Variants in TMPRSS6 observed in about 807,000 individuals in gnomAD.
The protein encoded by TMPRSS6 is transmembrane serine protease 6.
TMPRSS6 carries 67 observed loss-of-function variants against 101.5 expected under a neutral mutation model. That is an observed-to-expected ratio of 0.66 (90% confidence interval 0.54 to 0.81). The LOEUF is 0.81. TMPRSS6 is among the 30% of genes least tolerant of loss of function. The pLI is 0.00. For synonymous variants in TMPRSS6, 453 were observed against 464.9 expected (o/e 0.97, Z 0.33); for missense variants, 1,034 against 1,088.7 (o/e 0.95, Z 0.71).
rs1317173249 is a variant in TMPRSS6 at position 37,101,028 on chromosome 22, G to T, written c.202+2188C>A. Among the ~76,000 whole-genome samples, 1 of 152,156 alleles carries T rather than the reference G, an allele frequency of 6.6e-6. No homozygotes were observed. Among genetic ancestry groups the T allele is most frequent in the Non-Finnish European group, 1.5e-5 (1 of 68,030 alleles). On this transcript the variant is annotated intron_variant, in intron 2 of 17. Transcript: ENST00000676104. The surrounding 1 kb of genome is among the most constrained non-coding windows in gnomAD (Gnocchi z 4.1). ...CTTGACAATGGCCATTGGAGTTGGGGGGCAGAGGGAGCCAGGTTGGAAAGG... is the reference window on the plus strand; with the variant it reads ...CTTGACAATGGCCATTGGAGTTGGGTGGCAGAGGGAGCCAGGTTGGAAAGG...
chr22:37,103,730 C>A lies in TMPRSS6; in HGVS notation c.-1-312G>T. The A allele has an allele frequency of 4.0e-6, 3 of 745,568 alleles. No individual in the cohort carries two copies. Among genetic ancestry groups the A allele is most frequent in the Non-Finnish European group, 6.9e-6 (3 of 434,234 alleles). The allele number at this position is 745,568 out of a possible 1,614,324, so 46.2% of individuals were successfully genotyped here. A position where few individuals can be genotyped will look rare whatever the true frequency, so the allele number is the denominator to read the frequency against. The stretch of plus-strand genomic sequence containing the variant: ...GGTCTCAGTACCTAAACACCCACCT[C>A]CCTAGAGGCTGCACCCACAGACAGA... On this transcript the variant is annotated intron_variant, in intron 1 of 17. Transcript: ENST00000676104. This position sits in a 1 kb window ranked among gnomAD's most constrained non-coding sequence, Gnocchi z 4.4.
chr22:37,096,963 C>T (rs771116549), intron 3 of TMPRSS6, among the ~76,000 whole-genome samples: 1 of 152,186 alleles, frequency 6.6e-6, no homozygotes, highest in Non-Finnish European at 1.5e-5. Context: ...CTGCTGATGA[C>T]CCCTCTGCCC....
intron 10 of TMPRSS6, chr22:37,083,894 A>G (rs1403109185): frequency 8.6e-6 from 4 of 463,052 alleles, no homozygotes; most frequent in Middle Eastern, 5.5e-4. Context: ...GGCACCTCTG[A>G]TGGTACGCCT....
At position 37,105,986 on chromosome 22, in the gene TMPRSS6, T is replaced by C. The variant is rs1169230389; in HGVS notation, c.-1-2568A>G. Among the ~76,000 whole-genome samples the C allele has an allele frequency of 2.0e-5, 3 of 152,250 alleles. No individual in the cohort carries two copies. The East Asian group carries it at 5.8e-4, about 29-fold the overall frequency. ...TTGAGTCTGGATCACAAAGGAGCTA[T>C]TTTGGGATGAGTCATAGAGCCATGG... is the stretch of plus-strand genomic sequence containing the variant. On this transcript the variant is annotated intron_variant, in intron 1 of 17. Transcript: ENST00000676104.
intron 1 of TMPRSS6, among the ~76,000 whole-genome samples, chr22:37,107,108 G>T (rs1439091479): frequency 6.6e-6 from 1 of 152,206 alleles, no homozygotes; most frequent in African/African-American, 2.4e-5. Flanking sequence ...AAGTCTCTAG[G>T]CCCCTGGTAC....
chr22:37,110,484 C>T (rs1930989867), upstream of TMPRSS6, among the ~76,000 whole-genome samples: 2 of 152,208 alleles, frequency 1.3e-5, no homozygotes, highest in South Asian at 2.1e-4. Flanking sequence ...CTGTCCATGA[C>T]GGTAGCCGCT....
At position 37,084,148 on chromosome 22, in the gene TMPRSS6, T is replaced by G. The variant is rs1460094634; in HGVS notation, c.1196+147A>C. The G allele has an allele frequency of 6.7e-6, 5 of 745,484 alleles. No individual in the cohort carries two copies. The Admixed American group carries it at 1.0e-4, about 16-fold the overall frequency. The allele number at this position is 745,484 out of a possible 1,614,324, so 46.2% of individuals were successfully genotyped here. A position where few individuals can be genotyped will look rare whatever the true frequency, so the allele number is the denominator to read the frequency against. On this transcript the variant is annotated intron_variant, in intron 10 of 17. Coordinates refer to ENST00000676104, the MANE Select transcript of TMPRSS6 (RefSeq NM_001374504.1). Reference sequence around the variant, plus strand: ...AGGACAAGGTCAAGGGCAACAGGCCTGACACCAGCCCCAGCCTCTGCTCGC... The same window carrying G: ...AGGACAAGGTCAAGGGCAACAGGCCGGACACCAGCCCCAGCCTCTGCTCGC...
chr22:37,098,654 T>C, intron 2 of TMPRSS6, 105 bp from the exon 3 acceptor site: 1 of 1,500,608 alleles, frequency 6.7e-7, no homozygotes, highest in Admixed American at 1.7e-5. Context: ...TCAGCCTCAG[T>C]GTCTTGGGTC....
At chr22:37,095,495 T>C in intron 6 of TMPRSS6, 56 bp downstream of exon 6, 1 of 1,601,112 alleles carries the variant, frequency 6.2e-7, no homozygotes, top group Non-Finnish European at 8.5e-7. Context: ...CACAACAAAG[T>C]CAAGACAAAT....
At chr22:37,087,519 C>T (rs1477111510) in intron 7 of TMPRSS6, among the ~76,000 whole-genome samples, 7 of 152,116 alleles carry the variant, frequency 4.6e-5, no homozygotes, top group Admixed American at 1.3e-4. Context: ...GCCCAGGGTC[C>T]GGGGATGGGG....
rs1325870289 is a variant in TMPRSS6, at chr22:37,068,437, T to C, written c.2113+636A>G. 1.3e-5 allele frequency among the ~76,000 whole-genome samples: 2 copies of C among 152,232 alleles called. 1 individual carries two copies. The highest frequency in any genetic ancestry group is 4.8e-5 in the African/African-American group (2 of 41,460). The stretch of plus-strand genomic sequence containing the variant: ...AACGCTGCAGGGCATGTCTGTAGGT[T>C]TGCCAGCTGGGTCTGTGTCCCCAAA... On this transcript the variant is annotated intron_variant, in intron 16 of 17. Coordinates refer to ENST00000676104, the MANE Select transcript of TMPRSS6 (RefSeq NM_001374504.1).
At chr22:37,072,101 T>C (rs1926989699) in intron 13 of TMPRSS6, among the ~76,000 whole-genome samples, 1 of 142,162 alleles carries the variant, frequency 7.0e-6, no homozygotes, top group African/African-American at 2.8e-5. Context: ...GATGGACAGA[T>C]GATGGATGGA....
rs1406201881 is a variant in TMPRSS6, at chr22:37,103,501, A to G, written c.-1-83T>C. On this transcript the variant is annotated intron_variant, in intron 1 of 17. Coordinates refer to ENST00000676104, the MANE Select transcript of TMPRSS6 (RefSeq NM_001374504.1). This position sits in a 1 kb window ranked among gnomAD's most constrained non-coding sequence, Gnocchi z 4.4. Reference sequence around the variant, plus strand: ...CTGAGCACCGGTGGGGCACGGAAGCAGGACTTCCCTGCCTTTTGGAGTGGA... The same window carrying G: ...CTGAGCACCGGTGGGGCACGGAAGCGGGACTTCCCTGCCTTTTGGAGTGGA... The G allele has an allele frequency of 7.4e-6, 12 of 1,614,236 alleles. No individual in the cohort carries two copies. The highest frequency in any genetic ancestry group is 1.0e-5 in the Non-Finnish European group (12 of 1,180,036).
chr22:37,095,868 C>T, intron 5 of TMPRSS6, 38 bp downstream of exon 5: 1 of 1,612,568 alleles, frequency 6.2e-7, no homozygotes, highest in Non-Finnish European at 8.5e-7. Flanking sequence ...CCCCCAACCT[C>T]ATGAGGCCAA....
chr22:37,097,784 T>A (rs35585494), intron 3 of TMPRSS6, among the ~76,000 whole-genome samples: 14,540 of 54,306 alleles, frequency 0.27, 3,952 homozygotes, highest in Non-Finnish European at 0.28. Context: ...GGGGCAGGAG[T>A]GGGCCACCGT....
chr22:37,095,464 A>C, intron 6 of TMPRSS6, 87 bp downstream of exon 6: 1 of 1,523,724 alleles, frequency 6.6e-7, no homozygotes, highest in Non-Finnish European at 9.0e-7. Flanking sequence ...CACACAACAG[A>C]AGCCATGTGT....
rs1926542747 is a variant in TMPRSS6, at chr22:37,068,486, T to A, written c.2113+587A>T. The A allele has an allele frequency of 5.9e-6, 4 of 674,460 alleles. No individual in the cohort carries two copies. In the African/African-American group the frequency reaches 7.1e-5, roughly 12 times the overall value. The allele number at this position is 674,460 out of a possible 1,614,324, so 41.8% of individuals were successfully genotyped here. A position where few individuals can be genotyped will look rare whatever the true frequency, so the allele number is the denominator to read the frequency against. On this transcript the variant is annotated intron_variant, in intron 16 of 17. Transcript: ENST00000676104. The stretch of plus-strand genomic sequence containing the variant: ...AAACTGTGCGGTGGCCGCCAGGGAC[T>A]CTGGTCAGTGAACGTAGAAAGGGGA...
At chr22:37,102,882 G>A (rs919452660) in intron 2 of TMPRSS6, among the ~76,000 whole-genome samples, 1 of 152,112 alleles carries the variant, frequency 6.6e-6, no homozygotes, top group Admixed American at 6.5e-5. Context: ...AGGACTGCAG[G>A]CAAGGGAAGG....
At chr22:37,106,301 G>T (rs1279549228) in intron 1 of TMPRSS6, among the ~76,000 whole-genome samples, 1 of 152,068 alleles carries the variant, frequency 6.6e-6, no homozygotes, top group Non-Finnish European at 1.5e-5. Flanking sequence ...TAAAGAGAGG[G>T]AAACTGAGGC....
Sources: gnomAD v4.1 joint callset for allele counts (sites outside exome capture counted in the v4.1 genomes callset) on GRCh38, gnomAD v4.1.1 for gene constraint, Gnocchi (gnomAD v3.1) non-coding constraint, MANE v1.5 for transcripts, NCBI Gene and HGNC (gene_info 2026-07-23, HGNC 2026-07-21) for gene names.